Variants in GNB1 observed in about 807,000 individuals in gnomAD.
The protein encoded by GNB1 is guanine nucleotide-binding protein G(I)/G(S)/G(T) subunit beta-1.
A neutral mutation model predicts 42.9 loss-of-function variants in GNB1; 2 were observed. The observed-to-expected ratio is 0.05, with a 90% CI of 0.02 to 0.15. The LOEUF (loss-of-function observed/expected upper bound fraction) is 0.15. Ranked by LOEUF, GNB1 falls within the 10% of genes least tolerant of loss-of-function variation. The probability of loss-of-function intolerance (pLI) is 1.00; values close to 1 mark genes in which losing one functional copy is unlikely to be tolerated. For missense variants in GNB1, 193 were observed against 462.2 expected, an observed-to-expected ratio of 0.42 and a Z score of 5.34; for synonymous variants, 183 against 174.7, an observed-to-expected ratio of 1.05 and a Z score of -0.38.
At chr1:1,808,825 G>A (rs1008002619) in intron 5 of GNB1, among the ~76,000 whole-genome samples, 5 of 151,974 alleles carry the variant, frequency 3.3e-5, no homozygotes, top group Non-Finnish European at 7.4e-5. Flanking sequence ...TGTATTTTTA[G>A]TAGAGATGGG....
chr1:1,883,321 AAAGAT>A (rs1463991944), intron 1 of GNB1, among the ~76,000 whole-genome samples: 2 of 152,124 alleles, frequency 1.3e-5, no homozygotes, highest in Non-Finnish European at 2.9e-5. Context: ...CCTTTCAAGA[AAAGAT>A]AAGGATGTGA....
In GNB1 at chr1:1,787,264, T is replaced by C; in HGVS notation, c.*9+58A>G. 1 of 853,352 alleles carries C rather than the reference T, an allele frequency of 1.2e-6. No homozygotes were observed. The highest frequency in any genetic ancestry group is 2.0e-6 in the Non-Finnish European group (1 of 509,900). The allele number at this position is 853,352 out of a possible 1,614,324, so 52.9% of individuals were successfully genotyped here. On this transcript the variant is annotated intron_variant, in intron 11 of 11. Coordinates refer to ENST00000378609, the MANE Select transcript of GNB1 (RefSeq NM_002074.5). The surrounding 1 kb of genome is among the most constrained non-coding windows in gnomAD (Gnocchi z 4.4). ...AAACCGTTAATGACAACTTCAAATG[T>C]TCTATGAGAAACACGCACAGTTCTC...
intron 7 of GNB1, among the ~76,000 whole-genome samples, chr1:1,798,106 G>A (rs1168254007): frequency 1.3e-5 from 2 of 152,248 alleles, no homozygotes; most frequent in African/African-American, 4.8e-5. Context: ...CAGTAAGAAG[G>A]AAAATGAAAG....
At chr1:1,881,143 C>T (rs1460293473) in intron 1 of GNB1, among the ~76,000 whole-genome samples, 1 of 152,138 alleles carries the variant, frequency 6.6e-6, no homozygotes, top group Admixed American at 6.6e-5. Context: ...CACACACAAA[C>T]TAAACTCATC....
intron 1 of GNB1, among the ~76,000 whole-genome samples, chr1:1,879,540 A>G (rs1401506088): frequency 6.6e-6 from 1 of 151,944 alleles, no homozygotes; most frequent in Non-Finnish European, 1.5e-5. Context: ...CCCTGTCTCT[A>G]CTAAAAATAC....
Position 1,841,754 on chromosome 1 carries a change from C to T in GNB1, c.-95-2516G>A, listed in dbSNP as rs141182740. ...ATGTACAAGCAAGCACGTACTTTTCCGGCAGTAAAAATGAGTGTGGAAGGA... is the reference window on the plus strand; with the variant it reads ...ATGTACAAGCAAGCACGTACTTTTCTGGCAGTAAAAATGAGTGTGGAAGGA... On this transcript the variant is annotated intron_variant, in intron 1 of 11. Coordinates refer to ENST00000378609, the MANE Select transcript of GNB1 (RefSeq NM_002074.5). 3.6e-3 allele frequency among the ~76,000 whole-genome samples: 551 copies of T among 152,242 alleles called. 9 individuals carry two copies. The highest frequency in any genetic ancestry group is 0.025 in the Admixed American group (376 of 15,292).
rs1168682972 is a variant in GNB1 at position 1,815,803 on chromosome 1, C to T, written c.156G>A (p.Arg52=). 2 of 1,611,450 alleles carry T rather than the reference C, an allele frequency of 1.2e-6. No homozygotes were observed. The highest frequency in any genetic ancestry group is 1.7e-6 in the Non-Finnish European group (2 of 1,177,688). The change falls in exon 5 of 12, where the codon CGG becomes CGA. Residue 52 remains arginine (R), a synonymous_variant. Transcript: ENST00000378609. ...RIQMRTRRTL[R]GHLAKIYAMH... is the part of the protein sequence containing the mutation. Reference sequence around the variant, plus strand: ...TGGCGTAGATCTTGGCCAGGTGCCCCCGCAGTGTCCTCCTCGTGCGCATTT... The same window carrying T: ...TGGCGTAGATCTTGGCCAGGTGCCCTCGCAGTGTCCTCCTCGTGCGCATTT...
At chr1:1,788,659 C>CT (rs1646438539) in intron 10 of GNB1, 1 of 186,270 alleles carries the variant, frequency 5.4e-6, no homozygotes, top group Non-Finnish European at 1.2e-5. Context: ...GAAGTCTCAT[C>CT]TTTTGTACAC....
intron 3 of GNB1, among the ~76,000 whole-genome samples, chr1:1,819,021 G>A (rs1646894741): frequency 6.6e-6 from 1 of 152,136 alleles, no homozygotes; most frequent in Admixed American, 6.5e-5. Context: ...TGCGGCTGCA[G>A]GTAGGCACTG....
intron 4 of GNB1, 52 bp downstream of exon 4, chr1:1,817,785 G>A (rs143149194): frequency 0.012 from 16,402 of 1,372,500 alleles, 133 homozygotes; most frequent in Middle Eastern, 0.041. Context: ...TGTGGGTGCC[G>A]TGCTAGCCTC....
chr1:1,849,275 G>A (rs1188631262), intron 1 of GNB1, among the ~76,000 whole-genome samples: 1 of 152,166 alleles, frequency 6.6e-6, no homozygotes, highest in Non-Finnish European at 1.5e-5. Flanking sequence ...CTCTTCATTT[G>A]CCTGGTCTGA....
At chr1:1,832,609 T>C (rs1647092105) in intron 2 of GNB1, among the ~76,000 whole-genome samples, 1 of 152,230 alleles carries the variant, frequency 6.6e-6, no homozygotes, top group Non-Finnish European at 1.5e-5. Context: ...ATATTTGCAA[T>C]GCAATGTGCT....
At chr1:1,853,874 A>C (rs900124899) in intron 1 of GNB1, among the ~76,000 whole-genome samples, 1 of 152,174 alleles carries the variant, frequency 6.6e-6, no homozygotes, top group Non-Finnish European at 1.5e-5. Flanking sequence ...GTCTGAGTAC[A>C]TATATAGTCA....
chr1:1,789,042 T>A lies in GNB1; in HGVS notation c.916+11A>T. On this transcript the variant is annotated intron_variant, in intron 10 of 11. Coordinates refer to ENST00000378609, the MANE Select transcript of GNB1 (RefSeq NM_002074.5). ...GTCCACAAGACACAGAAAGGCCCCA[T>A]GGCCACGTACCTGCCCGGTCGGCTT... 1 of 1,600,030 alleles carries A rather than the reference T, an allele frequency of 6.2e-7. No individual in the cohort carries two copies. Among genetic ancestry groups the A allele is most frequent in the African/African-American group, 1.3e-5 (1 of 74,742 alleles).
At chr1:1,850,298 T>C (rs1000474275) in intron 1 of GNB1, among the ~76,000 whole-genome samples, 2 of 151,878 alleles carry the variant, frequency 1.3e-5, no homozygotes, top group Non-Finnish European at 2.9e-5. Context: ...ACCCTGCTAA[T>C]TTTTTTTATT....
At chr1:1,801,545 C>T (rs1358721475) in intron 7 of GNB1, among the ~76,000 whole-genome samples, 6 of 152,036 alleles carry the variant, frequency 3.9e-5, no homozygotes, top group East Asian at 1.9e-4. Flanking sequence ...TAGAGGACCG[C>T]GAGACATTGG....
chr1:1,878,584 C>T (rs1254999786), intron 1 of GNB1, among the ~76,000 whole-genome samples: 1 of 152,158 alleles, frequency 6.6e-6, no homozygotes, highest in Non-Finnish European at 1.5e-5. Context: ...ACAGCAGACT[C>T]GTCCGCCATC....
chr1:1,882,953 T>C (rs1166722190), intron 1 of GNB1, among the ~76,000 whole-genome samples: 1 of 150,986 alleles, frequency 6.6e-6, no homozygotes, highest in Non-Finnish European at 1.5e-5. Flanking sequence ...CTTACCAGTT[T>C]TCAAAATGAG....
chr1:1,869,382 C>A (rs145767245), intron 1 of GNB1, among the ~76,000 whole-genome samples: 2 of 152,208 alleles, frequency 1.3e-5, no homozygotes, highest in African/African-American at 4.8e-5. Context: ...CTTGTTTCAG[C>A]TAACCATTCA....
Sources: allele counts gnomAD v4.1 joint callset (sites outside exome capture counted in the v4.1 genomes callset), GRCh38; gene constraint gnomAD v4.1.1; non-coding constraint Gnocchi (gnomAD v3.1); transcripts MANE v1.5; gene names NCBI Gene and HGNC (gene_info 2026-07-23, HGNC 2026-07-21).